Variants in GALNT6 observed in about 807,000 individuals in gnomAD.
The protein encoded by GALNT6 is polypeptide N-acetylgalactosaminyltransferase 6, also known as GalNAc transferase 6.
A neutral mutation model predicts 65.9 loss-of-function variants in GALNT6; 51 were observed. The ratio of observed to expected loss-of-function variants is 0.77; its 90% CI spans 0.62 to 0.98. The LOEUF is 0.98. Among genes scored for constraint, GALNT6 ranks in the 50% least tolerant of loss-of-function variants. The pLI is 0.00. For missense variants in GALNT6, 708 were observed against 803.3 expected, an observed-to-expected ratio of 0.88 and a Z score of 1.43; for synonymous variants, 323 against 315.1, an observed-to-expected ratio of 1.02 and a Z score of -0.26.
chr12:51,380,043 G>A (rs1024592227), intron 2 of GALNT6, among the ~76,000 whole-genome samples, 159 bp from the exon 3 acceptor site: 1 of 152,198 alleles, frequency 6.6e-6, no homozygotes, highest in African/African-American at 2.4e-5. Context: ...ATAAAATGAG[G>A]AGACCGGAGG....
chr12:51,358,181 A>G lies in GALNT6; in HGVS notation c.1449T>C (p.Asn483=), dbSNP rs1269907578. 6.2e-7 allele frequency: 1 copy of G among 1,613,888 alleles called. No homozygotes were observed. The highest frequency in any genetic ancestry group is 1.3e-5 in the African/African-American group (1 of 74,880). The change falls in exon 9 of 12, where the codon AAT becomes AAC. Residue 483 remains asparagine (N), a synonymous_variant. Coordinates refer to ENST00000356317, the MANE Select transcript of GALNT6 (RefSeq NM_007210.4). ...CAGGAACAAACATCTCTGGGTAGAC[A>G]TTGTGCAGGTACCAGGAAAAGTTGT... The part of the protein sequence containing the change: ...HCHNFSWYLH[N]VYPEMFVPDL...
At chr12:51,383,460 C>T (rs1947734385) in intron 2 of GALNT6, 1 of 152,186 alleles carries the variant, frequency 6.6e-6, no homozygotes, top group South Asian at 2.1e-4. Flanking sequence ...TCAAGACTCA[C>T]CCCCTCCAGG....
intron 2 of GALNT6, among the ~76,000 whole-genome samples, chr12:51,390,136 A>ACTTC: frequency 1.3e-5 from 1 of 74,374 alleles, no homozygotes; most frequent in Non-Finnish European, 2.6e-5. Context: ...ATCAAAGCAT[A>ACTTC]TTTCTTTCTT....
chr12:51,363,265 C>A (rs2137589428), intron 6 of GALNT6, among the ~76,000 whole-genome samples: 1 of 152,260 alleles, frequency 6.6e-6, no homozygotes, highest in South Asian at 2.1e-4. Flanking sequence ...AACTTACAGT[C>A]TCCAATAACA....
intron 6 of GALNT6, among the ~76,000 whole-genome samples, chr12:51,363,521 C>T (rs1370364980): frequency 6.6e-6 from 1 of 152,234 alleles, no homozygotes; most frequent in Non-Finnish European, 1.5e-5. Flanking sequence ...ATGCAGCAAA[C>T]TATATGTGGC....
intron 4 of GALNT6, among the ~76,000 whole-genome samples, chr12:51,368,933 G>A (rs957499024): frequency 2.0e-5 from 3 of 152,202 alleles, no homozygotes; most frequent in Admixed American, 1.3e-4. Context: ...TCAATGTGCT[G>A]CCAGGTGCCA....
Position 51,354,399 on chromosome 12 carries a change from G to T in GALNT6, c.1849C>A (p.Gln617Lys). 1 of 1,572,056 alleles carries T rather than the reference G, an allele frequency of 6.4e-7. No homozygotes were observed. Among genetic ancestry groups the T allele is most frequent in the Non-Finnish European group, 8.6e-7 (1 of 1,162,556 alleles). Residue 617 changes from glutamine (Q) to lysine (K), a missense_variant, in exon 12 of 12, where the codon CAG becomes AAG. Transcript: ENST00000356317. Reference sequence around the variant, plus strand: ...GGGTCCTAGACAAAGAGCCACAACTGATGGGGGTCACTGGGATTGCAGGGG... The same window carrying T: ...GGGTCCTAGACAAAGAGCCACAACTTATGGGGGTCACTGGGATTGCAGGGG... The part of the protein sequence containing the change: ...MAPCNPSDPH[Q>K]LWLFV
At position 51,354,401 on chromosome 12, in the gene GALNT6, TG is replaced by T. The variant is rs1354775450; in HGVS notation, c.1846del (p.His616IlefsTer27). 5 of 1,573,252 alleles carry T rather than the reference TG, an allele frequency of 3.2e-6. No individual in the cohort carries two copies. In the South Asian group the frequency reaches 3.5e-5, roughly 11 times the overall value. On this transcript the variant is annotated frameshift_variant, in exon 12 of 12. Coordinates refer to ENST00000356317, the MANE Select transcript of GALNT6 (RefSeq NM_007210.4). LOFTEE classifies it high-confidence loss of function. ...GTCCTAGACAAAGAGCCACAACTGA[TG>T]GGGGTCACTGGGATTGCAGGGGGCC... ...AMAPCNPSDP[H>X]QLWLFV is the part of the protein sequence containing the mutation.
intron 4 of GALNT6, among the ~76,000 whole-genome samples, chr12:51,372,431 A>G (rs1190024114): frequency 6.6e-6 from 1 of 151,304 alleles, no homozygotes; most frequent in Non-Finnish European, 1.5e-5. Flanking sequence ...ATGGTCTTGA[A>G]CTCCTGGGCT....
Position 51,359,168 on chromosome 12 carries a change from A to T in GALNT6, c.1332T>A (p.Tyr444Ter). The stretch of plus-strand genomic sequence containing the variant: ...TCTTTGCTGCCTGCAGATTTCTCCT[A>T]TAGAAAATCTTCTTGTAGCTGTCCA... The part of the protein sequence containing the change: ...VWMDSYKKIF[Y>*]RRNLQAAKMA... The change falls in exon 8 of 12, where the codon TAT becomes TAA. Residue 444 changes from tyrosine to a stop codon, truncating the protein, a stop_gained. Coordinates refer to ENST00000356317, the MANE Select transcript of GALNT6 (RefSeq NM_007210.4). LOFTEE classifies it high-confidence loss of function. 1.2e-6 allele frequency: 2 copies of T among 1,614,108 alleles called. No individual in the cohort carries two copies. Among genetic ancestry groups the T allele is most frequent in the Non-Finnish European group, 1.7e-6 (2 of 1,179,992 alleles).
rs1275200527 is a variant in GALNT6 at position 51,387,242 on chromosome 12, C to T, written c.-104+3608G>A. Among the ~76,000 whole-genome samples, 1 of 151,970 alleles carries T rather than the reference C, an allele frequency of 6.6e-6. No homozygotes were observed. Among genetic ancestry groups the T allele is most frequent in the African/African-American group, 2.4e-5 (1 of 41,350 alleles). On this transcript the variant is annotated intron_variant, in intron 2 of 11. Transcript: ENST00000356317. The surrounding 1 kb of genome is among the most constrained non-coding windows in gnomAD (Gnocchi z 4.2). ...CCTCCCGGGTAGCTGGGATTACAGGCGCCCGCCACCACGTCCGGCTAATTT... is the reference window on the plus strand; with the variant it reads ...CCTCCCGGGTAGCTGGGATTACAGGTGCCCGCCACCACGTCCGGCTAATTT...
chr12:51,376,432 G>A (rs547840942), intron 4 of GALNT6, among the ~76,000 whole-genome samples: 3 of 151,776 alleles, frequency 2.0e-5, no homozygotes, highest in Non-Finnish European at 4.4e-5. Context: ...TCGGGAGTTC[G>A]AGACCAACCT....
chr12:51,368,387 T>C (rs1483508129), intron 4 of GALNT6, among the ~76,000 whole-genome samples: 2 of 128,916 alleles, frequency 1.6e-5, no homozygotes, highest in African/African-American at 5.7e-5. Context: ...CCTTCTTTTT[T>C]TTTCCATGTT....
At chr12:51,358,931 T>C (rs548913388) in intron 8 of GALNT6, among the ~76,000 whole-genome samples, 8 of 152,300 alleles carry the variant, frequency 5.3e-5, no homozygotes, top group Admixed American at 5.2e-4. Context: ...AGAGACTCTA[T>C]GCGTAGGGAC....
intron 8 of GALNT6, 125 bp downstream of exon 8, chr12:51,359,007 C>A: frequency 1.3e-6 from 1 of 741,100 alleles, no homozygotes. Flanking sequence ...CTCACAGGTC[C>A]CTGAGGGTGA....
intron 10 of GALNT6, among the ~76,000 whole-genome samples, chr12:51,356,272 C>G (rs1295910436): frequency 6.6e-6 from 1 of 150,592 alleles, no homozygotes; most frequent in Non-Finnish European, 1.5e-5. Flanking sequence ...AACTCCTGAG[C>G]TCAAGTGATC....
chr12:51,359,512 G>A (rs928701700), intron 7 of GALNT6, 180 bp from the exon 8 acceptor site: 11 of 506,226 alleles, frequency 2.2e-5, no homozygotes, highest in African/African-American at 7.7e-5. Flanking sequence ...ATGACTACAC[G>A]ATCCCAGGCT....
Position 51,354,378 on chromosome 12 carries a change from C to T in GALNT6, c.*1G>A, listed in dbSNP as rs1400364430. The T allele has an allele frequency of 1.3e-6, 2 of 1,523,616 alleles. No individual in the cohort carries two copies. The highest frequency in any genetic ancestry group is 1.8e-6 in the Non-Finnish European group (2 of 1,129,532). The allele number at this position is 1,523,616 out of a possible 1,614,324, so 94.4% of individuals were successfully genotyped here. A position where few individuals can be genotyped will look rare whatever the true frequency, so the allele number is the denominator to read the frequency against. On this transcript the variant is annotated 3_prime_UTR_variant, in exon 12 of 12. Transcript: ENST00000356317. Reference sequence around the variant, plus strand: ...GGCTCTCTCTGGGGATGATCTGGGTCCTAGACAAAGAGCCACAACTGATGG... The same window carrying T: ...GGCTCTCTCTGGGGATGATCTGGGTTCTAGACAAAGAGCCACAACTGATGG...
intron 4 of GALNT6, among the ~76,000 whole-genome samples, chr12:51,373,835 C>A (rs538941592): frequency 6.6e-6 from 1 of 152,182 alleles, no homozygotes; most frequent in Non-Finnish European, 1.5e-5. Flanking sequence ...GTCATTGCAT[C>A]CCTGATACTT....
Sources: allele counts gnomAD v4.1 joint callset (sites outside exome capture counted in the v4.1 genomes callset), GRCh38; gene constraint gnomAD v4.1.1; non-coding constraint Gnocchi (gnomAD v3.1); transcripts MANE v1.5; gene names NCBI Gene and HGNC (gene_info 2026-07-23, HGNC 2026-07-21).